The following APBB2 variants were observed in gnomAD, a reference collection of about 807,000 sequenced individuals.
APBB2 encodes the protein amyloid beta precursor protein binding family B member 2, also known as Fe65-like 1.
APBB2 carries 38 observed loss-of-function variants against 82.5 expected under a neutral mutation model. The observed-to-expected ratio is 0.46, with a 90% CI of 0.36 to 0.60. The LOEUF (loss-of-function observed/expected upper bound fraction) is 0.60. Ranked by LOEUF, APBB2 falls within the 20% of genes least tolerant of loss-of-function variation. The probability of loss-of-function intolerance (pLI) is 0.00; values close to 1 mark genes in which losing one functional copy is unlikely to be tolerated. For synonymous variants in APBB2, 341 were observed against 368.2 expected, an observed-to-expected ratio of 0.93 and a Z score of 0.85; for missense variants, 772 against 972.3, an observed-to-expected ratio of 0.79 and a Z score of 2.74.
intron 5 of APBB2, among the ~76,000 whole-genome samples, chr4:41,022,115 A>G (rs923900799): frequency 6.6e-6 from 1 of 152,224 alleles, no homozygotes; most frequent in Non-Finnish European, 1.5e-5. Context: ...ACCCACCAGA[A>G]GGAATAAATT....
rs117262671 is a variant in APBB2, at chr4:40,868,516, A to G, written c.1529+21848T>C. ...CTTCAGAATTTCAGGAATCCATGAC[A>G]TGTGAAATGTGTCAGGATTAGCCAG... On this transcript the variant is annotated intron_variant, in intron 12 of 17. Transcript: ENST00000508593. Among the ~76,000 whole-genome samples, 117 of 152,352 alleles carry G rather than the reference A, an allele frequency of 7.7e-4. No individual in the cohort carries two copies. In the East Asian group the frequency reaches 0.017, roughly 22 times the overall value.
At chr4:41,001,641 G>A (rs888572267) in intron 6 of APBB2, among the ~76,000 whole-genome samples, 101 of 152,180 alleles carry the variant, frequency 6.6e-4, no homozygotes, top group African/African-American at 2.4e-3. Flanking sequence ...ACTTTGGGAG[G>A]CCAAGGCAGG....
intron 1 of APBB2, among the ~76,000 whole-genome samples, chr4:41,166,799 A>G (rs1766769017): frequency 6.6e-6 from 1 of 152,118 alleles, no homozygotes; most frequent in Non-Finnish European, 1.5e-5. Flanking sequence ...CAGGAGGTTG[A>G]TGCAGGAGAT....
intron 1 of APBB2, among the ~76,000 whole-genome samples, chr4:41,189,741 G>A (rs1005830919): frequency 6.6e-6 from 1 of 152,190 alleles, no homozygotes. Context: ...TAGAACTGTG[G>A]TCCTTACATA....
At chr4:40,889,697 C>T (rs1453576667) in intron 12 of APBB2, among the ~76,000 whole-genome samples, 2 of 152,200 alleles carry the variant, frequency 1.3e-5, no homozygotes, top group Admixed American at 6.5e-5. Flanking sequence ...TTAAAATACA[C>T]ACTTGAAAAT....
Position 41,127,657 on chromosome 4 carries a change from A to G in APBB2, c.-261+15330T>C, listed in dbSNP as rs1243268955. Among the ~76,000 whole-genome samples, 2 of 152,246 alleles carry G rather than the reference A, an allele frequency of 1.3e-5. No homozygotes were observed. The highest frequency in any genetic ancestry group is 6.5e-5 in the Admixed American group (1 of 15,284). ...ATCTAGGAGGAACTTAAACAATTCA[A>G]TAAGCAAAAAAACAAATAACTCCAT... On this transcript the variant is annotated intron_variant, in intron 2 of 17. Transcript: ENST00000508593. This position sits in a 1 kb window ranked among gnomAD's most constrained non-coding sequence, Gnocchi z 4.8.
chr4:41,089,713 C>T (rs1741045364), intron 3 of APBB2, among the ~76,000 whole-genome samples: 2 of 152,128 alleles, frequency 1.3e-5, no homozygotes, highest in Non-Finnish European at 2.9e-5. Flanking sequence ...CAAAGATAAA[C>T]AGAATTTCCA....
intron 2 of APBB2, among the ~76,000 whole-genome samples, chr4:41,126,974 G>C (rs1033303852): frequency 6.6e-6 from 1 of 152,058 alleles, no homozygotes; most frequent in African/African-American, 2.4e-5. Context: ...GAATTTTGGG[G>C]AGACACAATT....
chr4:40,969,499 T>A (rs10938468), intron 6 of APBB2, among the ~76,000 whole-genome samples: 150,372 of 152,352 alleles, frequency 0.99, 74,249 homozygotes, highest in Middle Eastern at 1. Flanking sequence ...ATGAGATGAA[T>A]TTGTATAAGT....
At chr4:41,108,561 C>T (rs1748068818) in intron 2 of APBB2, among the ~76,000 whole-genome samples, 1 of 152,288 alleles carries the variant, frequency 6.6e-6, no homozygotes, top group South Asian at 2.1e-4. Flanking sequence ...AAACATTCAG[C>T]CTGTGTTTCC....
intron 10 of APBB2, among the ~76,000 whole-genome samples, chr4:40,895,866 C>T (rs925645746): frequency 5.9e-5 from 9 of 152,120 alleles, no homozygotes; most frequent in Non-Finnish European, 1.2e-4. Flanking sequence ...GTTACTGTAC[C>T]CATGTTATAC....
At chr4:40,947,060 C>A (rs1473764337) in intron 6 of APBB2, among the ~76,000 whole-genome samples, 1 of 152,216 alleles carries the variant, frequency 6.6e-6, no homozygotes, top group Non-Finnish European at 1.5e-5. Flanking sequence ...TTCAAGTTAA[C>A]CAAATTTTGC....
chr4:41,068,626 T>A (rs745353512), intron 3 of APBB2, among the ~76,000 whole-genome samples: 1 of 152,088 alleles, frequency 6.6e-6, no homozygotes, highest in Non-Finnish European at 1.5e-5. Flanking sequence ...AAAGAGCATT[T>A]ATAAGTTTTA....
chr4:40,889,589 G>A (rs1374652838), intron 12 of APBB2, among the ~76,000 whole-genome samples: 1 of 152,208 alleles, frequency 6.6e-6, no homozygotes, highest in Admixed American at 6.5e-5. Context: ...AATTGCCAAA[G>A]ACTGACTATA....
chr4:40,919,035 A>C (rs1449896770), intron 10 of APBB2, among the ~76,000 whole-genome samples: 1 of 152,180 alleles, frequency 6.6e-6, no homozygotes, highest in East Asian at 1.9e-4. Flanking sequence ...CTGGAGGTTG[A>C]GAACAGACTG....
At chr4:40,888,917 T>A (rs1216927486) in intron 12 of APBB2, among the ~76,000 whole-genome samples, 1 of 152,256 alleles carries the variant, frequency 6.6e-6, no homozygotes, top group Non-Finnish European at 1.5e-5. Context: ...CAGGAAAAGC[T>A]CAAGCATCTT....
At chr4:40,829,762 CTGTT>C (rs1751234373) in intron 13 of APBB2, among the ~76,000 whole-genome samples, 1 of 152,078 alleles carries the variant, frequency 6.6e-6, no homozygotes, top group Admixed American at 6.6e-5. Flanking sequence ...TGACGCCAGA[CTGTT>C]TGTTCTCATT....
intron 12 of APBB2, among the ~76,000 whole-genome samples, chr4:40,842,792 T>C (rs541993535): frequency 6.6e-6 from 1 of 152,206 alleles, no homozygotes; most frequent in South Asian, 2.1e-4. Context: ...TTACCGACAT[T>C]CCTGACACTC....
chr4:41,028,564 A>G (rs534616494), intron 5 of APBB2, among the ~76,000 whole-genome samples: 6 of 152,358 alleles, frequency 3.9e-5, no homozygotes, highest in African/African-American at 1.4e-4. Context: ...GAAAATGTGC[A>G]AGCCCTAATG....
Sources: gnomAD v4.1 joint callset for allele counts (sites outside exome capture counted in the v4.1 genomes callset) on GRCh38, gnomAD v4.1.1 for gene constraint, Gnocchi (gnomAD v3.1) non-coding constraint, MANE v1.5 for transcripts, NCBI Gene and HGNC (gene_info 2026-07-23, HGNC 2026-07-21) for gene names.